RBPJL: variants seen among roughly 807,000 people sequenced by gnomAD.
RBPJL encodes recombination signal binding protein for immunoglobulin kappa J region like.
In RBPJL, 50 loss-of-function variants were observed where a neutral mutation model predicts 57.6. That is an observed-to-expected ratio of 0.87 (90% CI 0.69 to 1.10). The LOEUF (loss-of-function observed/expected upper bound fraction) is 1.10, where lower values mean the gene tolerates loss of function less well. Among genes scored for constraint, RBPJL ranks in the 50% least tolerant of loss-of-function variants. The pLI, the probability that RBPJL is intolerant of heterozygous loss-of-function variation, is 0.00. For missense variants in RBPJL, 684 were observed against 693.7 expected, an observed-to-expected ratio of 0.99 and a Z score of 0.16; for synonymous variants, 303 against 294.4, an observed-to-expected ratio of 1.03 and a Z score of -0.30.
chr20:45,316,350 C>T lies in RBPJL; in HGVS notation c.1176+8C>T. 6.2e-7 allele frequency: 1 copy of T among 1,613,074 alleles called. No homozygotes were observed. The highest frequency in any genetic ancestry group is 8.5e-7 in the Non-Finnish European group (1 of 1,179,282). ...CTCATCAGCACCCTAGAGGTGAAGC[C>T]GGGCGCTAGGGGCGTTGGGCAGGGG... On this transcript the variant is annotated splice_region_variant and intron_variant, in intron 10 of 11. Coordinates refer to ENST00000343694, the MANE Select transcript of RBPJL (RefSeq NM_014276.4).
intron 9 of RBPJL, among the ~76,000 whole-genome samples, chr20:45,315,737 T>A (rs1200833813): frequency 8.8e-6 from 1 of 113,122 alleles, no homozygotes; most frequent in Non-Finnish European, 1.7e-5. Context: ...CGAGATTCAG[T>A]CTCAAAAAAA....
intron 6 of RBPJL, among the ~76,000 whole-genome samples, 185 bp downstream of exon 6, chr20:45,312,580 G>A (rs572792075): frequency 6.6e-6 from 1 of 152,266 alleles, no homozygotes; most frequent in East Asian, 1.9e-4. Context: ...GGGATGAGAA[G>A]AGTTGGAGGA....
At position 45,309,564 on chromosome 20, in the gene RBPJL, C is replaced by T. The variant is rs530527036; in HGVS notation, c.132-3C>T. 3 of 1,605,248 alleles carry T rather than the reference C, an allele frequency of 1.9e-6. No homozygotes were observed. Among genetic ancestry groups the T allele is most frequent in the East Asian group, 4.5e-5 (2 of 44,166 alleles). ...CTGGTCGACCTGCCTGCCCTACTCCCAGGTCATCCCCAGAGCACACCACCA... is the reference window on the plus strand; with the variant it reads ...CTGGTCGACCTGCCTGCCCTACTCCTAGGTCATCCCCAGAGCACACCACCA... On this transcript the variant is annotated splice_polypyrimidine_tract_variant and splice_region_variant and intron_variant, in intron 2 of 11. Coordinates refer to ENST00000343694, the MANE Select transcript of RBPJL (RefSeq NM_014276.4).
At chr20:45,315,258 C>T (rs1484523876) in intron 9 of RBPJL, among the ~76,000 whole-genome samples, 13 of 152,044 alleles carry the variant, frequency 8.6e-5, no homozygotes, top group Admixed American at 8.5e-4. Context: ...AGCAGTAGTA[C>T]TCCCAAAAGA....
chr20:45,313,417 C>A, intron 6 of RBPJL, 51 bp from the exon 7 acceptor site: 1 of 1,509,118 alleles, frequency 6.6e-7, no homozygotes, highest in South Asian at 1.3e-5. Flanking sequence ...TATCCCCTCA[C>A]CCTAACCCTG....
chr20:45,312,484 G>A (rs1182839282), intron 6 of RBPJL, 89 bp downstream of exon 6: 1 of 1,364,006 alleles, frequency 7.3e-7, no homozygotes, highest in Non-Finnish European at 1.0e-6. Flanking sequence ...GGTGGGGGTA[G>A]GCTGGGCTTA....
At position 45,308,254 on chromosome 20, in the gene RBPJL, AAC is replaced by A; in HGVS notation, c.131+4_131+5del. Reference sequence around the variant, plus strand: ...AGCCTCCCGGGCACTTGGACCAGGTAACGGCGGCGTGGCAGCGTGCCCTAGGT... The same window carrying A: ...AGCCTCCCGGGCACTTGGACCAGGTAGGCGGCGTGGCAGCGTGCCCTAGGT... On this transcript the variant is annotated splice_donor_5th_base_variant and intron_variant, in intron 2 of 11. Coordinates refer to ENST00000343694, the MANE Select transcript of RBPJL (RefSeq NM_014276.4). The A allele has an allele frequency of 1.2e-6, 2 of 1,603,018 alleles. No individual in the cohort carries two copies.
At chr20:45,314,721 T>C (rs1987370426) in intron 9 of RBPJL, among the ~76,000 whole-genome samples, 156 bp downstream of exon 9, 1 of 152,168 alleles carries the variant, frequency 6.6e-6, no homozygotes, top group South Asian at 2.1e-4. Flanking sequence ...AATCATAGGA[T>C]GTAGAAAAAT....
Position 45,312,218 on chromosome 20 carries a change from T to A in RBPJL, c.445-3T>A. On this transcript the variant is annotated splice_polypyrimidine_tract_variant and splice_region_variant and intron_variant, in intron 5 of 11. Transcript: ENST00000343694. The stretch of plus-strand genomic sequence containing the variant: ...GATGGCCCTGTACCTGTGAGCCCCC[T>A]AGGAATTCGGCTGCGCCAAGACCCT... 2 of 1,614,036 alleles carry A rather than the reference T, an allele frequency of 1.2e-6. No homozygotes were observed.
Position 45,308,213 on chromosome 20 carries a change from C to T in RBPJL, c.93C>T (p.Ser31=), listed in dbSNP as rs770114098. 5.8e-5 allele frequency: 94 copies of T among 1,613,888 alleles called. No individual in the cohort carries two copies. Among genetic ancestry groups the T allele is most frequent in the Non-Finnish European group, 7.4e-5 (87 of 1,179,904 alleles). ...ACAGATCAGAGATGCAGCTGCAGAG[C>T]GAAGCCGACAGGCGGAGCCTCCCGG... ...LQDRSEMQLQ[S]EADRRSLPGT... Residue 31 remains serine, a synonymous_variant, in exon 2 of 12, where the codon AGC becomes AGT. Transcript: ENST00000343694.
Position 45,311,622 on chromosome 20 carries a change from G to A in RBPJL, c.291G>A (p.Ser97=). ...FFCPPPCVYL[S]GPGWRVKPGQ... The stretch of plus-strand genomic sequence containing the variant: ...GCCCCCCGCCCTGTGTCTACCTCTC[G>A]GGGCCTGGCTGGAGGGTGAAGCCAG... The change falls in exon 4 of 12, where the codon TCG becomes TCA. Residue 97 remains serine (S), a synonymous_variant. Transcript: ENST00000343694. 6.2e-7 allele frequency: 1 copy of A among 1,614,176 alleles called. No individual in the cohort carries two copies. The highest frequency in any genetic ancestry group is 1.7e-4 in the Middle Eastern group (1 of 6,060).
chr20:45,314,487 A>G lies in RBPJL; in HGVS notation c.942A>G (p.Ala314=), dbSNP rs764513232. Residue 314 remains alanine, a synonymous_variant, in exon 9 of 12, where the codon GCA becomes GCG. Coordinates refer to ENST00000343694, the MANE Select transcript of RBPJL (RefSeq NM_014276.4). ...DEPISQLHKC[A]FQFPGSPPGG... is the part of the protein sequence containing the mutation. ...CCATCTCCCAGCTGCACAAGTGTGCATTCCAGTTTCCAGGCAGTCCCCCAG... is the reference window on the plus strand; with the variant it reads ...CCATCTCCCAGCTGCACAAGTGTGCGTTCCAGTTTCCAGGCAGTCCCCCAG... The G allele has an allele frequency of 7.4e-6, 12 of 1,614,104 alleles. No homozygotes were observed. Among genetic ancestry groups the G allele is most frequent in the Middle Eastern group, 3.3e-4 (2 of 6,084 alleles).
At chr20:45,310,546 G>T (rs924169065) in intron 3 of RBPJL, among the ~76,000 whole-genome samples, 1 of 152,022 alleles carries the variant, frequency 6.6e-6, no homozygotes, top group Non-Finnish European at 1.5e-5. Flanking sequence ...GGCGGAGGTT[G>T]CAGTGAGCCG....
chr20:45,314,267 C>T, intron 8 of RBPJL, 123 bp downstream of exon 8: 8 of 1,226,756 alleles, frequency 6.5e-6, no homozygotes, highest in Non-Finnish European at 5.9e-6. Context: ...CACCCAGTGT[C>T]GCGTAGGACC....
chr20:45,309,809 C>T, intron 3 of RBPJL, 117 bp downstream of exon 3: 3 of 1,345,310 alleles, frequency 2.2e-6, no homozygotes, highest in Non-Finnish European at 3.0e-6. Context: ...GAGATCTCAG[C>T]TATTGGTCGA....
rs998827184 is a variant in RBPJL, at chr20:45,317,270, A to G, written c.*311A>G. ...TCCCTTCCCCCTCAGTACTTAGTCT[A>G]CAGACCTATGTGCGTGTCCCTATCC... On this transcript the variant is annotated 3_prime_UTR_variant, in exon 12 of 12. Coordinates refer to ENST00000343694, the MANE Select transcript of RBPJL (RefSeq NM_014276.4). 6.6e-6 allele frequency: 3 copies of G among 452,832 alleles called. No individual in the cohort carries two copies. The allele number at this position is 452,832 out of a possible 1,614,324, so 28.1% of individuals were successfully genotyped here. A position where few individuals can be genotyped will look rare whatever the true frequency, so the allele number is the denominator to read the frequency against.
chr20:45,307,224 C>T (rs1297623451), intron 1 of RBPJL, among the ~76,000 whole-genome samples: 1 of 152,146 alleles, frequency 6.6e-6, no homozygotes, highest in Non-Finnish European at 1.5e-5. Context: ...GTTGCTGTTT[C>T]TTGGCAGAGA....
intron 6 of RBPJL, among the ~76,000 whole-genome samples, chr20:45,313,173 C>T (rs574808564): frequency 6.4e-4 from 97 of 152,190 alleles, no homozygotes; most frequent in African/African-American, 2.3e-3. Flanking sequence ...TTAGCCAGGC[C>T]GGCACAGGGA....
rs752655472 is a variant in RBPJL, at chr20:45,312,415, AC to A, written c.619+25del. 51 of 1,602,638 alleles carry A rather than the reference AC, an allele frequency of 3.2e-5. No homozygotes were observed. The highest frequency in any genetic ancestry group is 2.9e-4 in the East Asian group (13 of 44,706). ...CCGATCGTGAGCAGGGCGGGGCCTG[AC>A]CCCCGGCCCGGGCGGGGAGGTGCAA... On this transcript the variant is annotated intron_variant, in intron 6 of 11. Coordinates refer to ENST00000343694, the MANE Select transcript of RBPJL (RefSeq NM_014276.4).
Sources: allele counts gnomAD v4.1 joint callset (sites outside exome capture counted in the v4.1 genomes callset), GRCh38; gene constraint gnomAD v4.1.1; transcripts MANE v1.5; gene names NCBI Gene and HGNC (gene_info 2026-07-23, HGNC 2026-07-21).